Variants in GATAD2A observed in about 807,000 individuals in gnomAD.
GATAD2A encodes transcriptional repressor p66-alpha.
A neutral mutation model predicts 68.5 loss-of-function variants in GATAD2A; 12 were observed. The observed-to-expected ratio is 0.18, with a 90% CI of 0.11 to 0.28. GATAD2A has a LOEUF of 0.28. GATAD2A is among the 10% of genes least tolerant of loss of function. The pLI is 1.00. For synonymous variants in GATAD2A, 410 were observed against 375.3 expected, an observed-to-expected ratio of 1.09 and a Z score of -1.07; for missense variants, 755 against 868.5, an observed-to-expected ratio of 0.87 and a Z score of 1.64.
chr19:19,405,611 T>G (rs1041487601), upstream of GATAD2A, among the ~76,000 whole-genome samples: 26 of 151,570 alleles, frequency 1.7e-4, no homozygotes, highest in Admixed American at 1.3e-4. Flanking sequence ...GGGGCCCGCC[T>G]TCTACGCCTG....
At chr19:19,446,883 T>C (rs1050692894) in intron 1 of GATAD2A, among the ~76,000 whole-genome samples, 4 of 152,180 alleles carry the variant, frequency 2.6e-5, no homozygotes, top group Non-Finnish European at 5.9e-5. Flanking sequence ...TTGGTTTTGA[T>C]CATTATCTTT....
intron 1 of GATAD2A, among the ~76,000 whole-genome samples, chr19:19,450,410 G>A (rs1378909222): frequency 6.6e-6 from 1 of 152,124 alleles, no homozygotes; most frequent in Non-Finnish European, 1.5e-5. Context: ...CACCTGTGGG[G>A]GCTGTTGCTC....
intron 1 of GATAD2A, among the ~76,000 whole-genome samples, chr19:19,391,521 G>A (rs559277652): frequency 1.3e-5 from 2 of 152,248 alleles, no homozygotes; most frequent in African/African-American, 2.4e-5. Flanking sequence ...CAACTTTAAA[G>A]GGATCACTCT....
At chr19:19,483,087 G>T (rs2059168144) in intron 2 of GATAD2A, among the ~76,000 whole-genome samples, 1 of 152,090 alleles carries the variant, frequency 6.6e-6, no homozygotes, top group Admixed American at 6.5e-5. Context: ...CCGGCTGGCC[G>T]CCCCCTGGCT....
chr19:19,484,358 C>T (rs903489638), intron 2 of GATAD2A, among the ~76,000 whole-genome samples: 1 of 151,952 alleles, frequency 6.6e-6, no homozygotes, highest in Non-Finnish European at 1.5e-5. Flanking sequence ...ATCACTGGAG[C>T]CCAGGAGTTC....
chr19:19,472,328 G>GTT (rs1408274324), intron 2 of GATAD2A: 1 of 151,102 alleles, frequency 6.6e-6, no homozygotes, highest in Non-Finnish European at 1.5e-5. Flanking sequence ...AGCTTGATTT[G>GTT]TTTTCTTTTC....
chr19:19,495,651 A>AAC (rs2060098471), intron 5 of GATAD2A, 103 bp from the exon 6 acceptor site: 2 of 1,076,688 alleles, frequency 1.9e-6, no homozygotes, highest in East Asian at 2.5e-5. Flanking sequence ...AAAAAAAAAA[A>AAC]AAAACTAGTA....
intron 1 of GATAD2A, among the ~76,000 whole-genome samples, chr19:19,446,010 T>C (rs2147741097): frequency 6.6e-6 from 1 of 152,336 alleles, no homozygotes; most frequent in East Asian, 1.9e-4. Flanking sequence ...GTGGGAACTC[T>C]GCGTTTAACT....
intron 1 of GATAD2A, among the ~76,000 whole-genome samples, chr19:19,414,702 C>CT (rs576088323): frequency 0.13 from 18,800 of 140,020 alleles, 1,278 homozygotes; most frequent in South Asian, 0.19. Flanking sequence ...ACGCCCAGCT[C>CT]TTTTTTTTTT....
chr19:19,425,606 TC>T (rs1161354485), intron 1 of GATAD2A, among the ~76,000 whole-genome samples: 1 of 152,174 alleles, frequency 6.6e-6, no homozygotes, highest in East Asian at 1.9e-4. Flanking sequence ...GCTCTCTTGT[TC>T]CAGTTGGGTA....
chr19:19,493,918 C>T (rs528181197), intron 4 of GATAD2A, among the ~76,000 whole-genome samples: 1 of 152,260 alleles, frequency 6.6e-6, no homozygotes, highest in Admixed American at 6.5e-5. Context: ...TCACCGTTTT[C>T]TCACTGAGAT....
rs2055626130 is a variant in GATAD2A at position 19,445,693 on chromosome 19, C to CT, written c.-6-19640dup. Among the ~76,000 whole-genome samples, 3 of 152,168 alleles carry CT rather than the reference C, an allele frequency of 2.0e-5. No homozygotes were observed. The South Asian group carries it at 6.2e-4, about 32-fold the overall frequency. ...TGCAATATGTGGCCTTTTTGTCTGACTTTTTTTCACTTAGCATGATGTTTT... is the reference window on the plus strand; with the variant it reads ...TGCAATATGTGGCCTTTTTGTCTGACTTTTTTTTCACTTAGCATGATGTTTT... On this transcript the variant is annotated intron_variant, in intron 1 of 11. Coordinates refer to ENST00000683918, the MANE Select transcript of GATAD2A (RefSeq NM_001384528.1).
upstream of GATAD2A, among the ~76,000 whole-genome samples, chr19:19,405,016 C>G (rs2050060055): frequency 6.6e-6 from 1 of 152,178 alleles, no homozygotes. Flanking sequence ...TTCATTCTGT[C>G]TCCTGTGTTT....
chr19:19,501,979 C>G lies in GATAD2A; in HGVS notation c.1514C>G (p.Pro505Arg). The change falls in exon 10 of 12, where the codon CCC (proline) becomes CGC (arginine). Residue 505 changes from proline to arginine, a missense_variant. Coordinates refer to ENST00000683918, the MANE Select transcript of GATAD2A (RefSeq NM_001384528.1). ...CCCCCGTTTGTGTAGGTCATAAAAC[C>G]CCGGCGTAAGTTGGCGTTCCGCTCA... Reference protein sequence around the residue: ...PHPVLKQVIKPRRKLAFRSGE... With the variant: ...PHPVLKQVIKRRRKLAFRSGE... The G allele has an allele frequency of 3.7e-6, 6 of 1,613,872 alleles. No homozygotes were observed. Among genetic ancestry groups the G allele is most frequent in the Non-Finnish European group, 4.2e-6 (5 of 1,179,838 alleles).
intron 1 of GATAD2A, among the ~76,000 whole-genome samples, chr19:19,420,005 C>CTTTTTTTTTTTTTTTTTTTTTT (rs397859927): frequency 1.5e-5 from 1 of 68,696 alleles, no homozygotes; most frequent in African/African-American, 7.3e-5. Flanking sequence ...ACCATCTTGA[C>CTTTTTTTTTTTTTTTTTTTTTT]TTTTTTTTTT....
chr19:19,490,893 A>G (rs1726410356), intron 2 of GATAD2A, among the ~76,000 whole-genome samples: 1 of 152,208 alleles, frequency 6.6e-6, no homozygotes, highest in Non-Finnish European at 1.5e-5. Context: ...TCAAAAAAGA[A>G]GAAAGAGAAT....
At chr19:19,439,024 G>T (rs927287863) in intron 1 of GATAD2A, among the ~76,000 whole-genome samples, 4 of 152,244 alleles carry the variant, frequency 2.6e-5, no homozygotes, top group Non-Finnish European at 5.9e-5. Flanking sequence ...ATTATGGACT[G>T]TGATTGGCTG....
intron 5 of GATAD2A, 30 bp downstream of exon 5, chr19:19,494,413 G>A (rs778245492): frequency 1.5e-6 from 2 of 1,370,420 alleles, no homozygotes; most frequent in South Asian, 2.3e-5. Context: ...CTCACTGGGT[G>A]CCCTGCTGGC....
intron 1 of GATAD2A, among the ~76,000 whole-genome samples, chr19:19,435,944 A>G (rs552761348): frequency 1.3e-5 from 2 of 152,312 alleles, no homozygotes; most frequent in Non-Finnish European, 2.9e-5. Flanking sequence ...ATTGTTTCAT[A>G]CCTCAGAGAT....
Sources: gnomAD v4.1 joint callset for allele counts (sites outside exome capture counted in the v4.1 genomes callset) on GRCh38, gnomAD v4.1.1 for gene constraint, MANE v1.5 for transcripts, NCBI Gene and HGNC (gene_info 2026-07-23, HGNC 2026-07-21) for gene names.